HDAC9: variants seen among roughly 807,000 people sequenced by gnomAD.
HDAC9 encodes MEF-2 interacting transcription repressor (MITR) protein.
A neutral mutation model predicts 139.4 loss-of-function variants in HDAC9; 41 were observed. The ratio of observed to expected loss-of-function variants is 0.29; its 90% CI spans 0.23 to 0.38. HDAC9 has a LOEUF of 0.38. Ranked by LOEUF, HDAC9 falls within the 10% of genes least tolerant of loss-of-function variation. The probability of loss-of-function intolerance (pLI) is 1.00; values close to 1 mark genes in which losing one functional copy is unlikely to be tolerated. For missense variants in HDAC9, 1,147 were observed against 1,297.0 expected (o/e 0.88, Z 1.78); for synonymous variants, 517 against 476.2 (o/e 1.09, Z -1.12).
intron 23 of HDAC9, among the ~76,000 whole-genome samples, chr7:18,941,261 T>C (rs1782011459): frequency 1.3e-5 from 2 of 152,016 alleles, no homozygotes; most frequent in Admixed American, 6.6e-5. Flanking sequence ...CTCTCCAGTT[T>C]CTTTTTAATA....
intron 19 of HDAC9, among the ~76,000 whole-genome samples, chr7:18,830,068 A>G (rs1262254000): frequency 2.6e-5 from 4 of 152,202 alleles, no homozygotes; most frequent in South Asian, 2.1e-4. Flanking sequence ...TGAGTGACTG[A>G]AAGTTAGAGG....
chr7:18,655,920 A>T (rs1190572780), intron 11 of HDAC9, among the ~76,000 whole-genome samples: 1 of 152,150 alleles, frequency 6.6e-6, no homozygotes, highest in Non-Finnish European at 1.5e-5. Context: ...AAGCTAAATA[A>T]TTTGGTTGTT....
At chr7:18,176,465 T>C (rs2128137387) in intron 2 of HDAC9, among the ~76,000 whole-genome samples, 1 of 152,364 alleles carries the variant, frequency 6.6e-6, no homozygotes, top group East Asian at 1.9e-4. Context: ...TTGGGATATG[T>C]TACTATTGTT....
chr7:18,361,310 T>C (rs1254481796), intron 1 of HDAC9, among the ~76,000 whole-genome samples: 1 of 152,094 alleles, frequency 6.6e-6, no homozygotes, highest in East Asian at 1.9e-4. Flanking sequence ...AATACATAAG[T>C]AAGTGAAAGT....
At chr7:18,112,037 C>G (rs1159562500) in intron 1 of HDAC9, among the ~76,000 whole-genome samples, 1 of 152,178 alleles carries the variant, frequency 6.6e-6, no homozygotes, top group Non-Finnish European at 1.5e-5. Flanking sequence ...TGTACACTTA[C>G]AATTAAATTG....
intron 1 of HDAC9, among the ~76,000 whole-genome samples, chr7:18,402,166 T>C (rs969726815): frequency 6.6e-6 from 1 of 152,220 alleles, no homozygotes; most frequent in African/African-American, 2.4e-5. Context: ...ATAAGACTTA[T>C]ATCCCTGTTC....
intron 1 of HDAC9, among the ~76,000 whole-genome samples, chr7:18,395,919 A>G (rs1401573790): frequency 6.6e-6 from 1 of 152,088 alleles, no homozygotes; most frequent in Non-Finnish European, 1.5e-5. Context: ...AAGCCTATAT[A>G]TTGGCCTAGT....
At position 18,867,885 on chromosome 7, in the gene HDAC9, A is replaced by G. The variant is rs571799293; in HGVS notation, c.2685-6593A>G. Among the ~76,000 whole-genome samples the G allele has an allele frequency of 5.3e-5, 8 of 152,004 alleles. No homozygotes were observed. In the East Asian group the frequency reaches 1.5e-3, roughly 29 times the overall value. The stretch of plus-strand genomic sequence containing the variant: ...ACCTATTTGCTTCCTCTTCTGGGCG[A>G]TTTCTTCAATTTTATTTCTTCAGAT... On this transcript the variant is annotated intron_variant, in intron 21 of 25. Coordinates refer to ENST00000686413, the MANE Select transcript of HDAC9 (RefSeq NM_178425.4).
At chr7:18,220,475 G>T (rs185649471) in intron 2 of HDAC9, among the ~76,000 whole-genome samples, 1 of 152,192 alleles carries the variant, frequency 6.6e-6, no homozygotes, top group Admixed American at 6.5e-5. Flanking sequence ...TTTCACTGGG[G>T]GAGGCTGATG....
intron 2 of HDAC9, among the ~76,000 whole-genome samples, chr7:18,183,364 T>A (rs566602745): frequency 6.6e-6 from 1 of 152,112 alleles, no homozygotes; most frequent in African/African-American, 2.4e-5. Flanking sequence ...AATGAACCAA[T>A]CCCTCAATCG....
intron 22 of HDAC9, among the ~76,000 whole-genome samples, chr7:18,884,049 G>A (rs769548102): frequency 6.6e-6 from 1 of 152,124 alleles, no homozygotes; most frequent in Non-Finnish European, 1.5e-5. Context: ...TATTGAAGAA[G>A]ATGTAAGTAA....
At chr7:18,350,678 G>A (rs1191233178) in intron 1 of HDAC9, among the ~76,000 whole-genome samples, 2 of 152,120 alleles carry the variant, frequency 1.3e-5, no homozygotes, top group Non-Finnish European at 1.5e-5. Flanking sequence ...AGCTGTAAGG[G>A]AAAAATCCAC....
chr7:18,387,736 G>A (rs1021704933), intron 1 of HDAC9, among the ~76,000 whole-genome samples: 1 of 152,122 alleles, frequency 6.6e-6, no homozygotes, highest in African/African-American at 2.4e-5. Context: ...AATAATATCA[G>A]TTGGTATAGG....
intron 1 of HDAC9, among the ~76,000 whole-genome samples, chr7:18,330,922 A>T (rs1007946229): frequency 2.0e-5 from 3 of 151,746 alleles, no homozygotes; most frequent in African/African-American, 7.2e-5. Flanking sequence ...TACTAACACA[A>T]GGCAAATAAC....
intron 2 of HDAC9, among the ~76,000 whole-genome samples, chr7:18,547,486 C>T (rs1200175565): frequency 6.6e-5 from 10 of 152,204 alleles, no homozygotes; most frequent in Non-Finnish European, 8.8e-5. Context: ...CTGCCCTCCT[C>T]GGCCTCCCAA....
intron 12 of HDAC9, among the ~76,000 whole-genome samples, chr7:18,679,660 A>G (rs1781762194): frequency 6.6e-6 from 1 of 150,566 alleles, no homozygotes; most frequent in Non-Finnish European, 1.5e-5. Context: ...TAAATTTATT[A>G]GACCGTGTTC....
chr7:18,208,336 G>C (rs1359946332), intron 2 of HDAC9, among the ~76,000 whole-genome samples: 1 of 150,598 alleles, frequency 6.6e-6, no homozygotes, highest in African/African-American at 2.4e-5. Context: ...TTATGGGATG[G>C]ACCTAGTCAT....
intron 2 of HDAC9, among the ~76,000 whole-genome samples, chr7:18,502,977 T>C (rs1798790943): frequency 6.6e-6 from 1 of 152,214 alleles, no homozygotes; most frequent in African/African-American, 2.4e-5. Context: ...TCAGAATGTG[T>C]TCGCCAGTAG....
intron 17 of HDAC9, among the ~76,000 whole-genome samples, chr7:18,808,753 T>G (rs889393380): frequency 4.6e-5 from 7 of 151,936 alleles, no homozygotes; most frequent in African/African-American, 1.5e-4. Flanking sequence ...CTATCAAAAT[T>G]TCAATGACAT....
Sources: gnomAD v4.1 joint callset for allele counts (sites outside exome capture counted in the v4.1 genomes callset) on GRCh38, gnomAD v4.1.1 for gene constraint, MANE v1.5 for transcripts, NCBI Gene and HGNC (gene_info 2026-07-23, HGNC 2026-07-21) for gene names.